Variants in CNTNAP2 observed in about 807,000 individuals in gnomAD.
CNTNAP2 encodes contactin-associated protein-like 2.
In CNTNAP2, 98 loss-of-function variants were observed where a neutral mutation model predicts 155.2. The ratio of observed to expected loss-of-function variants is 0.63; its 90% CI spans 0.54 to 0.75. The LOEUF is 0.75. Ranked by LOEUF, CNTNAP2 falls within the 30% of genes least tolerant of loss-of-function variation. CNTNAP2 has a pLI of 0.00. For missense variants in CNTNAP2, 1,727 were observed against 1,688.1 expected (o/e 1.02, Z -0.40); for synonymous variants, 651 against 631.2 (o/e 1.03, Z -0.47).
chr7:147,219,139 T>C (rs890508345), intron 8 of CNTNAP2, among the ~76,000 whole-genome samples: 1 of 152,154 alleles, frequency 6.6e-6, no homozygotes, highest in African/African-American at 2.4e-5. Context: ...CCCATTCTTT[T>C]ATAATGAACC....
rs1274398234 is a variant in CNTNAP2 at position 147,037,475 on chromosome 7, T to TA, written c.403-6431dup. On this transcript the variant is annotated intron_variant, in intron 3 of 23. Transcript: ENST00000361727. ...TTTCCCTTTTTTTTTTTTTTTTTTT[T>TA]ATTGAGATGGAGTTTCGCTCTTGTT... Among the ~76,000 whole-genome samples the TA allele has an allele frequency of 2.9e-3, 402 of 140,074 alleles. 1 individual carries two copies. The highest frequency in any genetic ancestry group is 4.3e-3 in the Non-Finnish European group (273 of 62,922). The allele number at this position is 140,074 out of a possible 152,430, so 91.9% of individuals were successfully genotyped here.
chr7:146,723,489 C>T (rs1267666769), intron 1 of CNTNAP2, among the ~76,000 whole-genome samples: 3 of 152,102 alleles, frequency 2.0e-5, no homozygotes, highest in Non-Finnish European at 4.4e-5. Context: ...AAAATTATAC[C>T]TATCACAAAA....
chr7:146,910,991 C>T (rs903498741), intron 3 of CNTNAP2, among the ~76,000 whole-genome samples: 27 of 151,420 alleles, frequency 1.8e-4, no homozygotes, highest in African/African-American at 4.7e-4. Flanking sequence ...AAAAAGTGGG[C>T]GAAGGACATG....
chr7:147,649,173 C>T (rs1795412672), intron 13 of CNTNAP2, among the ~76,000 whole-genome samples: 1 of 152,022 alleles, frequency 6.6e-6, no homozygotes, highest in Admixed American at 6.6e-5. Context: ...CAGACTTGAG[C>T]TTTGAGGTGA....
At chr7:146,937,747 C>G (rs1481507559) in intron 3 of CNTNAP2, among the ~76,000 whole-genome samples, 1 of 152,034 alleles carries the variant, frequency 6.6e-6, no homozygotes, top group African/African-American at 2.4e-5. Context: ...ATAATGCCAA[C>G]CTAAAATAAT....
chr7:146,344,482 T>C (rs1165466416), intron 1 of CNTNAP2, among the ~76,000 whole-genome samples: 11 of 152,258 alleles, frequency 7.2e-5, no homozygotes, highest in African/African-American at 2.6e-4. Flanking sequence ...TTTTTTTTTT[T>C]TCTTTTTCTT....
chr7:148,206,243 TA>T (rs1795447830), intron 18 of CNTNAP2, among the ~76,000 whole-genome samples: 1 of 147,812 alleles, frequency 6.8e-6, no homozygotes, highest in African/African-American at 2.5e-5. Flanking sequence ...TATGTAACAT[TA>T]AAAATTATTT....
chr7:147,171,729 T>A (rs1802231147), intron 8 of CNTNAP2, among the ~76,000 whole-genome samples: 1 of 152,148 alleles, frequency 6.6e-6, no homozygotes, highest in South Asian at 2.1e-4. Flanking sequence ...ACCTTATATA[T>A]TTAAGAAACC....
chr7:147,057,055 C>T (rs929163567), intron 4 of CNTNAP2, among the ~76,000 whole-genome samples: 4 of 152,160 alleles, frequency 2.6e-5, no homozygotes, highest in African/African-American at 9.6e-5. Flanking sequence ...CTACCTTGGC[C>T]TCCCAAAGTG....
chr7:148,083,371 T>C (rs1402903405), intron 15 of CNTNAP2, among the ~76,000 whole-genome samples: 2 of 152,174 alleles, frequency 1.3e-5, no homozygotes, highest in African/African-American at 4.8e-5. Flanking sequence ...TGACTCCACT[T>C]CGGTTCCCTT....
At chr7:147,382,032 T>G (rs1206525169) in intron 9 of CNTNAP2, among the ~76,000 whole-genome samples, 2 of 152,088 alleles carry the variant, frequency 1.3e-5, no homozygotes, top group Non-Finnish European at 2.9e-5. Flanking sequence ...TATACCAAAT[T>G]AATTTTCATT....
intron 10 of CNTNAP2, among the ~76,000 whole-genome samples, chr7:147,465,297 C>T (rs1403687836): frequency 2.0e-5 from 3 of 152,176 alleles, no homozygotes; most frequent in Admixed American, 6.5e-5. Context: ...ACATGCATAA[C>T]TTGAATCTAA....
intron 14 of CNTNAP2, among the ~76,000 whole-genome samples, chr7:147,932,696 A>C (rs1800528140): frequency 6.6e-6 from 1 of 152,198 alleles, no homozygotes; most frequent in East Asian, 1.9e-4. Context: ...AACAAAAGCA[A>C]AAACAGAGCA....
chr7:146,562,149 C>G (rs1293575378), intron 1 of CNTNAP2, among the ~76,000 whole-genome samples: 1 of 152,106 alleles, frequency 6.6e-6, no homozygotes, highest in Non-Finnish European at 1.5e-5. Context: ...TTCCACTGAC[C>G]ACTTAAACAG....
At chr7:146,717,514 A>T (rs1031784919) in intron 1 of CNTNAP2, among the ~76,000 whole-genome samples, 11 of 152,060 alleles carry the variant, frequency 7.2e-5, no homozygotes, top group African/African-American at 2.2e-4. Flanking sequence ...ACTCTATCAT[A>T]ATGTTATTAA....
intron 16 of CNTNAP2, among the ~76,000 whole-genome samples, chr7:148,130,256 T>C (rs1804802028): frequency 6.6e-6 from 1 of 152,232 alleles, no homozygotes; most frequent in African/African-American, 2.4e-5. Context: ...ATTTTTAATA[T>C]AAAGAAATGC....
At chr7:147,452,260 T>C (rs199824459) in intron 10 of CNTNAP2, among the ~76,000 whole-genome samples, 1 of 152,224 alleles carries the variant, frequency 6.6e-6, no homozygotes, top group East Asian at 1.9e-4. Context: ...GTCCAAGTCC[T>C]ATACATGCCA....
intron 1 of CNTNAP2, among the ~76,000 whole-genome samples, chr7:146,403,810 G>A (rs10282462): frequency 0.028 from 4,212 of 152,084 alleles, 184 homozygotes; most frequent in African/African-American, 0.096. Context: ...GTCTTCACTG[G>A]GATAGTCATG....
At chr7:147,105,994 C>T (rs557479612) in intron 4 of CNTNAP2, among the ~76,000 whole-genome samples, 79 of 152,068 alleles carry the variant, frequency 5.2e-4, no homozygotes, top group African/African-American at 1.8e-3. Context: ...AAAAGTAAGA[C>T]AGGAATGCAT....
Sources: gnomAD v4.1 joint callset for allele counts (sites outside exome capture counted in the v4.1 genomes callset) on GRCh38, gnomAD v4.1.1 for gene constraint, MANE v1.5 for transcripts, NCBI Gene and HGNC (gene_info 2026-07-23, HGNC 2026-07-21) for gene names.